The following STXBP6 variants were observed in gnomAD, a reference collection of about 807,000 sequenced individuals.
STXBP6 encodes syntaxin-binding protein 6.
STXBP6 carries 21 observed loss-of-function variants against 26.9 expected under a neutral mutation model. The ratio of observed to expected loss-of-function variants is 0.78; its 90% CI spans 0.55 to 1.12. STXBP6 has a LOEUF of 1.12. Ranked by LOEUF, STXBP6 falls within the 50% of genes most tolerant of loss-of-function variation. The probability of loss-of-function intolerance (pLI) is 0.00; values close to 1 mark genes in which losing one functional copy is unlikely to be tolerated. For synonymous variants in STXBP6, 97 were observed against 92.6 expected (o/e 1.05, Z -0.27); for missense variants, 232 against 257.9 (o/e 0.90, Z 0.69).
chr14:24,965,164 G>C (rs1205657522), intron 2 of STXBP6, among the ~76,000 whole-genome samples: 1 of 151,020 alleles, frequency 6.6e-6, no homozygotes, highest in Non-Finnish European at 1.5e-5. Flanking sequence ...TGAGATTCCT[G>C]TCAGGAGTGG....
chr14:24,934,231 C>T (rs1159641903), intron 2 of STXBP6, among the ~76,000 whole-genome samples: 1 of 152,098 alleles, frequency 6.6e-6, no homozygotes, highest in Non-Finnish European at 1.5e-5. Flanking sequence ...AAAGACATCA[C>T]CTTGTTAAGT....
At chr14:24,985,608 T>C (rs1258602232) in intron 1 of STXBP6, among the ~76,000 whole-genome samples, 1 of 152,200 alleles carries the variant, frequency 6.6e-6, no homozygotes, top group Admixed American at 6.5e-5. Flanking sequence ...CAAGGAACCT[T>C]AGCTTCTCCA....
At chr14:25,011,093 T>G (rs2075018251) in intron 1 of STXBP6, among the ~76,000 whole-genome samples, 1 of 150,982 alleles carries the variant, frequency 6.6e-6, no homozygotes, top group African/African-American at 2.5e-5. Flanking sequence ...AAGGCTACAG[T>G]GCAAAATGAA....
At chr14:24,827,648 T>G (rs1231467611) in intron 4 of STXBP6, among the ~76,000 whole-genome samples, 1 of 152,230 alleles carries the variant, frequency 6.6e-6, no homozygotes, top group Non-Finnish European at 1.5e-5. Flanking sequence ...TATGGTACTT[T>G]AAGTTCTATT....
At position 24,811,054 on chromosome 14, in the gene STXBP6, A is replaced by G. The variant is rs2067809642; in HGVS notation, c.*1655T>C. 6.6e-6 allele frequency: 1 copy of G among 152,194 alleles called. No homozygotes were observed. The highest frequency in any genetic ancestry group is 2.1e-4 in the South Asian group (1 of 4,836). 9.4% of individuals were successfully genotyped at this position (152,194 alleles called of 1,614,324 possible). ...CACCAAAAAGAAAGTATAAAATATT[A>G]TAGTTAACTTATACAGTTTATTAAA... On this transcript the variant is annotated 3_prime_UTR_variant, in exon 6 of 6. Transcript: ENST00000323944.
chr14:24,904,293 G>A (rs187772903), intron 2 of STXBP6, among the ~76,000 whole-genome samples: 102 of 152,192 alleles, frequency 6.7e-4, no homozygotes, highest in Non-Finnish European at 1.3e-3. Context: ...TCATATCTAC[G>A]CGGTTAAGTC....
rs1566534261 is a variant in STXBP6 at position 24,982,956 on chromosome 14, A to G, written c.-32-8106T>C. Among the ~76,000 whole-genome samples the G allele has an allele frequency of 2.0e-5, 3 of 152,238 alleles. No individual in the cohort carries two copies. In the South Asian group the frequency reaches 6.2e-4, roughly 32 times the overall value. On this transcript the variant is annotated intron_variant, in intron 1 of 5. Coordinates refer to ENST00000323944, the MANE Select transcript of STXBP6 (RefSeq NM_001394410.1). ...CATTTGGAGGATTTATTGAGGTAAG[A>G]CGAAGATTTCATAAGCATCACTCAT...
intron 1 of STXBP6, among the ~76,000 whole-genome samples, chr14:25,002,979 G>A (rs192156010): frequency 1.3e-5 from 2 of 152,112 alleles, no homozygotes; most frequent in East Asian, 3.9e-4. Flanking sequence ...CACCCGCCTC[G>A]GCCTCTCAAA....
intron 1 of STXBP6, among the ~76,000 whole-genome samples, chr14:24,975,234 T>G (rs2140206544): frequency 1.3e-5 from 2 of 152,344 alleles, no homozygotes; most frequent in South Asian, 4.1e-4. Flanking sequence ...GTCTTTCCAC[T>G]GTCCAACAGT....
intron 2 of STXBP6, among the ~76,000 whole-genome samples, chr14:24,967,912 C>T (rs1341557008): frequency 6.6e-6 from 1 of 152,030 alleles, no homozygotes; most frequent in Non-Finnish European, 1.5e-5. Context: ...GTGGCAGTTG[C>T]ACATGGCCAT....
At chr14:24,843,868 A>G (rs1247997066) in intron 4 of STXBP6, among the ~76,000 whole-genome samples, 4 of 152,174 alleles carry the variant, frequency 2.6e-5, no homozygotes, top group African/African-American at 7.2e-5. Flanking sequence ...TCCCTGCATG[A>G]CAGGAATGAG....
rs1057217789 is a variant in STXBP6, at chr14:24,811,602, A to G, written c.*1107T>C. 9.2e-5 allele frequency: 14 copies of G among 152,206 alleles called. No homozygotes were observed. Among genetic ancestry groups the G allele is most frequent in the Non-Finnish European group, 2.1e-4 (14 of 68,036 alleles). The allele number at this position is 152,206 out of a possible 1,614,324, so 9.4% of individuals were successfully genotyped here. A position where few individuals can be genotyped will look rare whatever the true frequency, so the allele number is the denominator to read the frequency against. On this transcript the variant is annotated 3_prime_UTR_variant, in exon 6 of 6. Transcript: ENST00000323944. The stretch of plus-strand genomic sequence containing the variant: ...AAGGTTTGTGATTGTGGTGTTTTAT[A>G]TCAGACCAGGCAAGGTGCAATTGCC...
At position 24,973,549 on chromosome 14, in the gene STXBP6, C is replaced by T. The variant is rs1302079606; in HGVS notation, c.154+1116G>A. On this transcript the variant is annotated intron_variant, in intron 2 of 5. Coordinates refer to ENST00000323944, the MANE Select transcript of STXBP6 (RefSeq NM_001394410.1). ...TACAGGTGAGTGCCATCATGCCTGG[C>T]TAATTTTTTTATTTTTAATAGAGAC... is the stretch of plus-strand genomic sequence containing the variant. Among the ~76,000 whole-genome samples, 6 of 151,780 alleles carry T rather than the reference C, an allele frequency of 4.0e-5. No individual in the cohort carries two copies. In the South Asian group the frequency reaches 1.0e-3, roughly 26 times the overall value.
chr14:24,834,568 A>C (rs2068554466), intron 4 of STXBP6, among the ~76,000 whole-genome samples: 1 of 152,200 alleles, frequency 6.6e-6, no homozygotes, highest in African/African-American at 2.4e-5. Context: ...ACAATTCAGA[A>C]GCTAATGCTC....
At chr14:25,017,431 C>G (rs1339144296) in intron 1 of STXBP6, among the ~76,000 whole-genome samples, 1 of 152,168 alleles carries the variant, frequency 6.6e-6, no homozygotes, top group Non-Finnish European at 1.5e-5. Context: ...GATGCAGAAA[C>G]AGCTTTTTAG....
chr14:24,864,539 A>T (rs1011068705), intron 2 of STXBP6, among the ~76,000 whole-genome samples: 1 of 152,166 alleles, frequency 6.6e-6, no homozygotes, highest in Non-Finnish European at 1.5e-5. Flanking sequence ...TTCCTCTTTC[A>T]AAACATAGAT....
At chr14:25,031,404 G>A (rs1428059910) in intron 1 of STXBP6, among the ~76,000 whole-genome samples, 1 of 152,184 alleles carries the variant, frequency 6.6e-6, no homozygotes, top group Non-Finnish European at 1.5e-5. Flanking sequence ...ACAGAGGCAG[G>A]CAGAAAGATG....
intron 2 of STXBP6, among the ~76,000 whole-genome samples, chr14:24,875,296 C>T (rs920011522): frequency 2.6e-5 from 4 of 152,060 alleles, no homozygotes; most frequent in African/African-American, 9.7e-5. Context: ...ACTGTGATGC[C>T]CCTTCTCTCA....
intron 1 of STXBP6, among the ~76,000 whole-genome samples, chr14:25,027,139 G>T (rs562358455): frequency 2.0e-5 from 3 of 152,080 alleles, no homozygotes; most frequent in African/African-American, 7.2e-5. Context: ...AATAGAACCC[G>T]TAATGCATAG....
Sources: allele counts gnomAD v4.1 joint callset (sites outside exome capture counted in the v4.1 genomes callset), GRCh38; gene constraint gnomAD v4.1.1; transcripts MANE v1.5; gene names NCBI Gene and HGNC (gene_info 2026-07-23, HGNC 2026-07-21).